The following KATNBL1 variants were observed in gnomAD, a reference collection of about 807,000 sequenced individuals.
KATNBL1 encodes katanin regulatory subunit B1 like 1.
In KATNBL1, 28 loss-of-function variants were observed where a neutral mutation model predicts 44.7. That is an observed-to-expected ratio of 0.63 (90% confidence interval 0.46 to 0.86). The LOEUF is 0.86. Among genes scored for constraint, KATNBL1 ranks in the 40% least tolerant of loss-of-function variants. The pLI is 0.00. For synonymous variants in KATNBL1, 78 were observed against 114.9 expected, an observed-to-expected ratio of 0.68 and a Z score of 2.06; for missense variants, 272 against 350.7, an observed-to-expected ratio of 0.78 and a Z score of 1.79.
At chr15:34,201,336 T>C (rs1462027749) in intron 1 of KATNBL1, among the ~76,000 whole-genome samples, 2 of 152,326 alleles carry the variant, frequency 1.3e-5, no homozygotes, top group East Asian at 3.9e-4. Flanking sequence ...AAAAAGTGTG[T>C]GTCTGTGAGG....
At chr15:34,163,740 C>A in intron 1 of KATNBL1, 50 bp from the exon 2 acceptor site, 1 of 1,016,356 alleles carries the variant, frequency 9.8e-7, no homozygotes, top group South Asian at 1.7e-5. Flanking sequence ...AGAGTCTGAT[C>A]ATTTTTAACA....
chr15:34,152,284 T>C (rs1312967176), intron 4 of KATNBL1, among the ~76,000 whole-genome samples: 1 of 152,038 alleles, frequency 6.6e-6, no homozygotes, highest in Admixed American at 6.6e-5. Flanking sequence ...CACTGCAACT[T>C]CTGCCTCCCG....
chr15:34,196,069 A>G (rs1241454271), intron 1 of KATNBL1, among the ~76,000 whole-genome samples: 1 of 152,198 alleles, frequency 6.6e-6, no homozygotes, highest in Non-Finnish European at 1.5e-5. Context: ...AAAATAAAAT[A>G]AAAAGATTCA....
chr15:34,157,846 A>C (rs1888683141), intron 2 of KATNBL1, among the ~76,000 whole-genome samples: 1 of 152,170 alleles, frequency 6.6e-6, no homozygotes, highest in Admixed American at 6.5e-5. Context: ...TAATTTCTTA[A>C]TGACATGTGC....
chr15:34,146,851 C>G lies in KATNBL1; in HGVS notation c.699-1G>C. The G allele has an allele frequency of 6.4e-7, 1 of 1,573,456 alleles. No individual in the cohort carries two copies. Among genetic ancestry groups the G allele is most frequent in the Non-Finnish European group, 8.7e-7 (1 of 1,144,134 alleles). ...CCAGTTTAAACCAACTATAACATAT[C>G]TGAAATGACATTTTGTTACAAAATT... is the stretch of plus-strand genomic sequence containing the variant. On this transcript the variant is annotated splice_acceptor_variant, in intron 7 of 9. Transcript: ENST00000256544. LOFTEE classifies it high-confidence loss of function.
At chr15:34,151,393 T>C (rs1043618507) in intron 4 of KATNBL1, among the ~76,000 whole-genome samples, 3 of 150,618 alleles carry the variant, frequency 2.0e-5, no homozygotes, top group Non-Finnish European at 3.0e-5. Context: ...GTCACCTACA[T>C]GTATGTCTTC....
At chr15:34,179,391 T>C (rs1167303351) in intron 1 of KATNBL1, among the ~76,000 whole-genome samples, 2 of 152,242 alleles carry the variant, frequency 1.3e-5, no homozygotes, top group Non-Finnish European at 2.9e-5. Flanking sequence ...AGAGCCCTCA[T>C]GACCTAATCA....
chr15:34,163,533 T>A lies in KATNBL1; in HGVS notation c.117+27A>T, dbSNP rs370495989. On this transcript the variant is annotated intron_variant, in intron 2 of 9. Coordinates refer to ENST00000256544, the MANE Select transcript of KATNBL1 (RefSeq NM_024713.3). ...AGACCTAACCGTTTAAATTGTCTTA[T>A]CTGTTTTCTAGAAACCATAGACTTA... The A allele has an allele frequency of 5.1e-6, 8 of 1,576,632 alleles. No homozygotes were observed. The South Asian group carries it at 9.6e-5, about 19-fold the overall frequency.
chr15:34,198,665 GAAC>G (rs1409619854), intron 1 of KATNBL1, among the ~76,000 whole-genome samples: 3 of 152,066 alleles, frequency 2.0e-5, no homozygotes, highest in South Asian at 4.1e-4. Flanking sequence ...TTATCACAAA[GAAC>G]AACAACAAAA....
chr15:34,167,775 GC>G (rs1186194632), intron 1 of KATNBL1, among the ~76,000 whole-genome samples: 1 of 152,150 alleles, frequency 6.6e-6, no homozygotes, highest in Non-Finnish European at 1.5e-5. Flanking sequence ...GAGAGTGGGG[GC>G]CAATATTCAA....
intron 1 of KATNBL1, among the ~76,000 whole-genome samples, chr15:34,194,413 A>G (rs1250028370): frequency 6.6e-6 from 1 of 152,038 alleles, no homozygotes; most frequent in Non-Finnish European, 1.5e-5. Flanking sequence ...GTTTGAGGCC[A>G]GCCTGGGCAA....
intron 1 of KATNBL1, chr15:34,165,817 A>G (rs1888953008): frequency 6.6e-6 from 1 of 152,172 alleles, no homozygotes; most frequent in African/African-American, 2.4e-5. Flanking sequence ...TTAGTAATAA[A>G]TAAATAAATA....
intron 1 of KATNBL1, among the ~76,000 whole-genome samples, chr15:34,178,331 TA>T (rs964937094): frequency 6.6e-6 from 1 of 152,172 alleles, no homozygotes; most frequent in African/African-American, 2.4e-5. Context: ...TTCCTTCATC[TA>T]ACATGGGTAA....
intron 1 of KATNBL1, among the ~76,000 whole-genome samples, chr15:34,191,691 T>G (rs1889877035): frequency 6.6e-6 from 1 of 152,104 alleles, no homozygotes; most frequent in Non-Finnish European, 1.5e-5. Context: ...CTCACACCTG[T>G]AATCCTAACA....
chr15:34,141,552 T>C lies in KATNBL1; in HGVS notation c.*787A>G, dbSNP rs1888149860. On this transcript the variant is annotated 3_prime_UTR_variant, in exon 10 of 10. Coordinates refer to ENST00000256544, the MANE Select transcript of KATNBL1 (RefSeq NM_024713.3). ...ATTCATACAAAAACATATTCACCTTTTTCCTTAGATAGGGATAACACATTC... is the reference window on the plus strand; with the variant it reads ...ATTCATACAAAAACATATTCACCTTCTTCCTTAGATAGGGATAACACATTC... The C allele has an allele frequency of 6.6e-6, 1 of 152,624 alleles. No homozygotes were observed. The highest frequency in any genetic ancestry group is 2.4e-5 in the African/African-American group (1 of 41,466). The allele number at this position is 152,624 out of a possible 1,614,324, so 9.5% of individuals were successfully genotyped here. A position where few individuals can be genotyped will look rare whatever the true frequency, so the allele number is the denominator to read the frequency against.
chr15:34,146,592 C>A, intron 8 of KATNBL1, 169 bp downstream of exon 8: 1 of 543,968 alleles, frequency 1.8e-6, no homozygotes, highest in Non-Finnish European at 3.3e-6. Context: ...ATTCAATTTC[C>A]AGGTGTGGTT....
intron 1 of KATNBL1, among the ~76,000 whole-genome samples, chr15:34,166,379 G>T (rs1888974048): frequency 2.0e-5 from 3 of 152,388 alleles, no homozygotes; most frequent in Non-Finnish European, 4.4e-5. Flanking sequence ...CAGCCTGGCA[G>T]GGGGAGGGGC....
intron 1 of KATNBL1, among the ~76,000 whole-genome samples, chr15:34,182,388 C>T (rs534224500): frequency 2.0e-5 from 3 of 152,034 alleles, no homozygotes; most frequent in Admixed American, 6.6e-5. Flanking sequence ...TATACAATTA[C>T]GGTGTTCTGG....
At chr15:34,168,947 C>A (rs1335699203) in intron 1 of KATNBL1, among the ~76,000 whole-genome samples, 2 of 151,972 alleles carry the variant, frequency 1.3e-5, no homozygotes, top group Non-Finnish European at 2.9e-5. Context: ...CAGTGTGTAG[C>A]CGGAAATTTA....
Sources: allele counts gnomAD v4.1 joint callset (sites outside exome capture counted in the v4.1 genomes callset), GRCh38; gene constraint gnomAD v4.1.1; transcripts MANE v1.5; gene names NCBI Gene and HGNC (gene_info 2026-07-23, HGNC 2026-07-21).